GALNT17: variants seen among roughly 807,000 people sequenced by gnomAD.
The protein encoded by GALNT17 is UDP-GalNAc:polypeptide N-acetylgalactosaminyltransferase-like 3.
GALNT17 carries 29 observed loss-of-function variants against 63.7 expected under a neutral mutation model. That is an observed-to-expected ratio of 0.46 (90% CI 0.34 to 0.62). GALNT17 has a LOEUF of 0.62. GALNT17 is among the 20% of genes least tolerant of loss of function. The pLI is 0.01. For synonymous variants in GALNT17, 305 were observed against 318.3 expected, an observed-to-expected ratio of 0.96 and a Z score of 0.45; for missense variants, 603 against 799.6, an observed-to-expected ratio of 0.75 and a Z score of 2.97.
chr7:71,447,432 T>C (rs1272642528), intron 5 of GALNT17, among the ~76,000 whole-genome samples: 1 of 152,178 alleles, frequency 6.6e-6, no homozygotes, highest in East Asian at 1.9e-4. Context: ...ATAATGCTTA[T>C]TGGGAAGTAT....
At chr7:71,631,135 T>TAGCC (rs1790447644) in intron 6 of GALNT17, among the ~76,000 whole-genome samples, 1 of 151,986 alleles carries the variant, frequency 6.6e-6, no homozygotes, top group Non-Finnish European at 1.5e-5. Context: ...TTGCATTCTG[T>TAGCC]AGCCAGGGAA....
At chr7:71,476,258 A>G (rs1421947092) in intron 5 of GALNT17, among the ~76,000 whole-genome samples, 1 of 152,216 alleles carries the variant, frequency 6.6e-6, no homozygotes, top group Admixed American at 6.5e-5. Flanking sequence ...CGAAGGCACA[A>G]GATGTTAGCA....
chr7:71,559,820 A>C (rs1409864066), intron 5 of GALNT17, among the ~76,000 whole-genome samples: 11 of 151,848 alleles, frequency 7.2e-5, no homozygotes, highest in Non-Finnish European at 1.6e-4. Flanking sequence ...AGATTGCACT[A>C]CTGCACTCCA....
At chr7:71,331,476 G>A (rs1050073952) in intron 1 of GALNT17, among the ~76,000 whole-genome samples, 1 of 152,170 alleles carries the variant, frequency 6.6e-6, no homozygotes, top group South Asian at 2.1e-4. Context: ...GGGAGGCCAA[G>A]GTGGGAGAAT....
intron 9 of GALNT17, among the ~76,000 whole-genome samples, chr7:71,700,265 G>A (rs374317131): frequency 1.3e-5 from 2 of 150,600 alleles, no homozygotes; most frequent in Non-Finnish European, 2.9e-5. Flanking sequence ...CCGAGATCAC[G>A]CCACTGCACT....
intron 1 of GALNT17, among the ~76,000 whole-genome samples, chr7:71,272,805 T>G (rs1790616680): frequency 6.6e-6 from 1 of 152,304 alleles, no homozygotes; most frequent in South Asian, 2.1e-4. Flanking sequence ...ATGATATTTC[T>G]TCTCTGATAC....
chr7:71,432,351 G>A (rs1786882676), intron 5 of GALNT17, among the ~76,000 whole-genome samples: 1 of 152,106 alleles, frequency 6.6e-6, no homozygotes, highest in Non-Finnish European at 1.5e-5. Context: ...TGGCATCCCG[G>A]GTTTTTACTG....
chr7:71,160,895 T>C (rs547834490), intron 1 of GALNT17, among the ~76,000 whole-genome samples: 1 of 152,294 alleles, frequency 6.6e-6, no homozygotes, highest in African/African-American at 2.4e-5. Flanking sequence ...TGTGATGCAG[T>C]GGTGTGATGA....
chr7:71,428,223 C>T (rs906169860), intron 5 of GALNT17, among the ~76,000 whole-genome samples: 1 of 152,136 alleles, frequency 6.6e-6, no homozygotes, highest in African/African-American at 2.4e-5. Context: ...AATAGCGACC[C>T]AGTGCCCATT....
intron 1 of GALNT17, among the ~76,000 whole-genome samples, chr7:71,302,712 A>G (rs887395260): frequency 6.6e-6 from 1 of 152,176 alleles, no homozygotes. Context: ...AGCATAGCAT[A>G]ACCGTGCTCT....
chr7:71,710,194 C>T (rs1791772621), intron 9 of GALNT17, among the ~76,000 whole-genome samples: 1 of 152,118 alleles, frequency 6.6e-6, no homozygotes, highest in South Asian at 2.1e-4. Flanking sequence ...GGTCCTAAAA[C>T]ATTGACTGAG....
intron 1 of GALNT17, among the ~76,000 whole-genome samples, chr7:71,133,551 C>T (rs920644634): frequency 2.6e-5 from 4 of 152,140 alleles, no homozygotes; most frequent in African/African-American, 9.7e-5. Flanking sequence ...TGTCATCTGT[C>T]TATGAGGCGA....
At chr7:71,606,010 G>A (rs1020324596) in intron 6 of GALNT17, among the ~76,000 whole-genome samples, 1 of 152,156 alleles carries the variant, frequency 6.6e-6, no homozygotes, top group Non-Finnish European at 1.5e-5. Context: ...TGTGATCTCA[G>A]TTCACTGCAA....
chr7:71,372,706 C>T (rs900922428), intron 2 of GALNT17, among the ~76,000 whole-genome samples: 3 of 152,232 alleles, frequency 2.0e-5, no homozygotes, highest in Non-Finnish European at 4.4e-5. Flanking sequence ...CCTCTTGCCT[C>T]TGCTTCTCCA....
chr7:71,219,767 C>G (rs538131435), intron 1 of GALNT17, among the ~76,000 whole-genome samples: 37 of 152,268 alleles, frequency 2.4e-4, no homozygotes, highest in African/African-American at 8.2e-4. Flanking sequence ...GCTTTTATGT[C>G]TGTCCTCATA....
At chr7:71,372,071 T>C (rs1792633871) in intron 2 of GALNT17, among the ~76,000 whole-genome samples, 1 of 152,202 alleles carries the variant, frequency 6.6e-6, no homozygotes, top group Admixed American at 6.5e-5. Context: ...ATCTTGAACT[T>C]GTAGGCTCAA....
intron 1 of GALNT17, among the ~76,000 whole-genome samples, chr7:71,196,249 T>G (rs2116351756): frequency 6.6e-6 from 1 of 151,838 alleles, no homozygotes; most frequent in African/African-American, 2.4e-5. Flanking sequence ...GCAATTCCCC[T>G]GCCTCAGCCT....
At chr7:71,333,194 C>T (rs938622009) in intron 1 of GALNT17, among the ~76,000 whole-genome samples, 5 of 152,200 alleles carry the variant, frequency 3.3e-5, no homozygotes, top group Non-Finnish European at 7.3e-5. Flanking sequence ...AACCATGGAT[C>T]TACTTTCAGG....
At chr7:71,404,263 A>G (rs1793289270) in intron 3 of GALNT17, among the ~76,000 whole-genome samples, 1 of 152,194 alleles carries the variant, frequency 6.6e-6, no homozygotes, top group Admixed American at 6.5e-5. Context: ...CCCCTCATGA[A>G]TGCACAACTC....
Sources: gnomAD v4.1 joint callset for allele counts (sites outside exome capture counted in the v4.1 genomes callset) on GRCh38, gnomAD v4.1.1 for gene constraint, MANE v1.5 for transcripts, NCBI Gene and HGNC (gene_info 2026-07-23, HGNC 2026-07-21) for gene names.